The following GPR157 variants were observed in gnomAD, a reference collection of about 807,000 sequenced individuals.
The protein encoded by GPR157 is G protein-coupled receptor 157.
GPR157 carries 16 observed loss-of-function variants against 23.5 expected under a neutral mutation model. That is an observed-to-expected ratio of 0.68 (90% CI 0.46 to 1.04). The LOEUF (loss-of-function observed/expected upper bound fraction) is 1.04, where lower values mean the gene tolerates loss of function less well. GPR157 is among the 50% of genes least tolerant of loss of function. The pLI, the probability that GPR157 is intolerant of heterozygous loss-of-function variation, is 0.00. For synonymous variants in GPR157, 200 were observed against 221.5 expected (o/e 0.90, Z 0.86); for missense variants, 440 against 460.7 (o/e 0.96, Z 0.41).
rs925275059 is a variant in GPR157 at position 9,102,615 on chromosome 1, T to C, written c.*1804A>G. ...TTTTACTAGGCTCAGAAAATCATGC[T>C]TTGTCGAGTTCTGATGGATTCCAAG... On this transcript the variant is annotated 3_prime_UTR_variant, in exon 4 of 4. Transcript: ENST00000377411. 1 of 152,108 alleles carries C rather than the reference T, an allele frequency of 6.6e-6. No homozygotes were observed. The highest frequency in any genetic ancestry group is 1.5e-5 in the Non-Finnish European group (1 of 68,014). The allele number at this position is 152,108 out of a possible 1,614,324, so 9.4% of individuals were successfully genotyped here. A position where few individuals can be genotyped will look rare whatever the true frequency, so the allele number is the denominator to read the frequency against.
chr1:9,102,614 C>T lies in GPR157; in HGVS notation c.*1805G>A, dbSNP rs751410440. 6.6e-6 allele frequency: 1 copy of T among 152,054 alleles called. No individual in the cohort carries two copies. The highest frequency in any genetic ancestry group is 1.5e-5 in the Non-Finnish European group (1 of 68,008). 9.4% of individuals were successfully genotyped at this position (152,054 alleles called of 1,614,324 possible). ...ATTTTACTAGGCTCAGAAAATCATGCTTTGTCGAGTTCTGATGGATTCCAA... is the reference window on the plus strand; with the variant it reads ...ATTTTACTAGGCTCAGAAAATCATGTTTTGTCGAGTTCTGATGGATTCCAA... On this transcript the variant is annotated 3_prime_UTR_variant, in exon 4 of 4. Coordinates refer to ENST00000377411, the MANE Select transcript of GPR157 (RefSeq NM_024980.5).
intron 1 of GPR157, among the ~76,000 whole-genome samples, chr1:9,127,713 G>T (rs1199567458): frequency 6.6e-6 from 1 of 152,210 alleles, no homozygotes; most frequent in African/African-American, 2.4e-5. Context: ...CTGCCAAAGT[G>T]CTGACTGTGC....
rs567970735 is a variant in GPR157 at position 9,105,001 on chromosome 1, G to A, written c.793-367C>T. Among the ~76,000 whole-genome samples, 17 of 82,404 alleles carry A rather than the reference G, an allele frequency of 2.1e-4. 1 individual carries two copies. In the South Asian group the frequency reaches 2.4e-3, roughly 12 times the overall value. 54.1% of individuals were successfully genotyped at this position (82,404 alleles called of 152,430 possible). ...GGTGACAAAGCCAGACTCTGTCCCC[G>A]CACCCCCCCCCAAAAAAGAGAAATG... On this transcript the variant is annotated intron_variant, in intron 3 of 3. Coordinates refer to ENST00000377411, the MANE Select transcript of GPR157 (RefSeq NM_024980.5). This position sits in a 1 kb window ranked among gnomAD's most constrained non-coding sequence, Gnocchi z 4.8.
chr1:9,123,674 A>ATTAAATATATATTTAATATATATTTAATT (rs1557701281), intron 1 of GPR157, among the ~76,000 whole-genome samples: 5 of 114,982 alleles, frequency 4.3e-5, no homozygotes, highest in African/African-American at 1.1e-4. Context: ...TATATTTAAT[A>ATTAAATATATATTTAATATATATTTAATT]TTAAATATAT....
At chr1:9,107,605 T>C (rs1638372020) in intron 2 of GPR157, among the ~76,000 whole-genome samples, 1 of 151,748 alleles carries the variant, frequency 6.6e-6, no homozygotes, top group South Asian at 2.1e-4. Context: ...GCCAACATGG[T>C]GAAACCCCGA....
intron 1 of GPR157, among the ~76,000 whole-genome samples, chr1:9,117,383 G>C (rs1638704669): frequency 6.6e-6 from 1 of 152,212 alleles, no homozygotes; most frequent in African/African-American, 2.4e-5. Context: ...GGGCCACCCT[G>C]AGCTGCAGGT....
rs1442411079 is a variant in GPR157 at position 9,118,223 on chromosome 1, G to A, written c.384-6734C>T. On this transcript the variant is annotated intron_variant, in intron 1 of 3. Coordinates refer to ENST00000377411, the MANE Select transcript of GPR157 (RefSeq NM_024980.5). The surrounding 1 kb of genome is among the most constrained non-coding windows in gnomAD (Gnocchi z 4.6). ...GGTTAGATGCCGGAGGAATGGGCGG[G>A]GTCCTGCCCAGTCCTAAATCTGGGG... Among the ~76,000 whole-genome samples the A allele has an allele frequency of 1.3e-5, 2 of 152,180 alleles. No individual in the cohort carries two copies. Among genetic ancestry groups the A allele is most frequent in the Admixed American group, 6.6e-5 (1 of 15,260 alleles).
rs1639004210 is a variant in GPR157 at position 9,128,156 on chromosome 1, A to G, written c.383+489T>C. On this transcript the variant is annotated intron_variant, in intron 1 of 3. Transcript: ENST00000377411. This position sits in a 1 kb window ranked among gnomAD's most constrained non-coding sequence, Gnocchi z 6.3. ...AAGCACAGTCCTTTGTAAACTGTAC[A>G]GCAGAGACACGGCAGCTCGGGAGTG... 2.4e-6 allele frequency: 1 copy of G among 417,830 alleles called. No individual in the cohort carries two copies. Among genetic ancestry groups the G allele is most frequent in the African/African-American group, 2.0e-5 (1 of 49,490 alleles). 25.9% of individuals were successfully genotyped at this position (417,830 alleles called of 1,614,324 possible). A position where few individuals can be genotyped will look rare whatever the true frequency, so the allele number is the denominator to read the frequency against.
intron 1 of GPR157, among the ~76,000 whole-genome samples, chr1:9,114,105 G>T (rs908828906): frequency 2.0e-5 from 3 of 151,794 alleles, no homozygotes; most frequent in South Asian, 2.1e-4. Flanking sequence ...AAGACAGGTG[G>T]ACCACCTGAG....
At chr1:9,122,890 C>A (rs1638829044) in intron 1 of GPR157, among the ~76,000 whole-genome samples, 1 of 152,020 alleles carries the variant, frequency 6.6e-6, no homozygotes, top group South Asian at 2.1e-4. Context: ...GCTGCGGTGG[C>A]TCACACCTGT....
chr1:9,128,729 A>G lies in GPR157; in HGVS notation c.299T>C (p.Ile100Thr), dbSNP rs1415448838. The G allele has an allele frequency of 1.2e-6, 2 of 1,613,322 alleles. No homozygotes were observed. Among genetic ancestry groups the G allele is most frequent in the Non-Finnish European group, 1.7e-6 (2 of 1,179,924 alleles). The change falls in exon 1 of 4, where the codon ATT becomes ACT. Residue 100 changes from isoleucine (I) to threonine (T), a missense_variant. Transcript: ENST00000377411. The surrounding 1 kb of genome is among the most constrained non-coding windows in gnomAD (Gnocchi z 6.3). ...NTSSFFWTVA[I>T]ALYLYLSIVR... is the part of the protein sequence containing the mutation. ...GATGCTGAGGTACAAGTAGAGCGCA[A>G]TGGCCACGGTCCAGAAGAAGGAGCT...
chr1:9,121,341 A>G (rs1638794914), intron 1 of GPR157, among the ~76,000 whole-genome samples: 1 of 150,370 alleles, frequency 6.7e-6, no homozygotes, highest in Admixed American at 6.7e-5. Flanking sequence ...CAAAAAAACA[A>G]AACAAAACAA....
chr1:9,109,739 AG>A (rs1638434234), intron 2 of GPR157, among the ~76,000 whole-genome samples: 3 of 152,208 alleles, frequency 2.0e-5, no homozygotes, highest in Admixed American at 1.3e-4. Context: ...AGCCATCTCC[AG>A]CAAGGACTCC....
chr1:9,105,068 C>CACACACACACACAT lies in GPR157; in HGVS notation c.792+417_792+418insATGTGTGTGTGTGT, dbSNP rs535847433. ...ACACACACACACACACACACACACA[C>CACACACACACACAT]ATGCATACACACATGCATACATGCA... On this transcript the variant is annotated intron_variant, in intron 3 of 3. Transcript: ENST00000377411. The surrounding 1 kb of genome is among the most constrained non-coding windows in gnomAD (Gnocchi z 4.8). 6.9e-6 allele frequency among the ~76,000 whole-genome samples: 1 copy of CACACACACACACAT among 144,476 alleles called. No individual in the cohort carries two copies. Among genetic ancestry groups the CACACACACACACAT allele is most frequent in the African/African-American group, 2.6e-5 (1 of 37,820 alleles). The allele number at this position is 144,476 out of a possible 152,430, so 94.8% of individuals were successfully genotyped here.
Position 9,128,689 on chromosome 1 carries a change from G to A in GPR157, c.339C>T (p.Arg113=). Reference sequence around the variant, plus strand: ...AAAGCAGGCGATCTGTGCGAGGCCCGCGCGCGGCGCGGACGATGCTGAGGT... The same window carrying A: ...AAAGCAGGCGATCTGTGCGAGGCCCACGCGCGGCGCGGACGATGCTGAGGT... ...YLYLSIVRAA[R]GPRTDRLLWA... The change falls in exon 1 of 4, where the codon CGC becomes CGT. Residue 113 remains arginine, a synonymous_variant. Transcript: ENST00000377411. The surrounding 1 kb of genome is among the most constrained non-coding windows in gnomAD (Gnocchi z 6.3). 6.2e-7 allele frequency: 1 copy of A among 1,613,238 alleles called. No individual in the cohort carries two copies. The highest frequency in any genetic ancestry group is 8.5e-7 in the Non-Finnish European group (1 of 1,179,922).
rs748675720 is a variant in GPR157, at chr1:9,128,894, C to T, written c.134G>A (p.Arg45Gln). The part of the protein sequence containing the change: ...THALWPDLRS[R>Q]ARRLLLFLSL... The stretch of plus-strand genomic sequence containing the variant: ...CAGGAAGAGCAGCAGGCGCCGTGCC[C>T]GGCTGCGCAGGTCGGGCCACAGGGC... Residue 45 changes from arginine (R) to glutamine (Q), a missense_variant, in exon 1 of 4, where the codon CGG becomes CAG. Arg to Gln is a conservative substitution (Grantham distance 43). Coordinates refer to ENST00000377411, the MANE Select transcript of GPR157 (RefSeq NM_024980.5). This position sits in a 1 kb window ranked among gnomAD's most constrained non-coding sequence, Gnocchi z 6.3. 5 of 1,554,588 alleles carry T rather than the reference C, an allele frequency of 3.2e-6. No homozygotes were observed. The Admixed American group carries it at 7.8e-5, about 24-fold the overall frequency.
At chr1:9,121,994 C>G (rs1451074479) in intron 1 of GPR157, among the ~76,000 whole-genome samples, 2 of 152,180 alleles carry the variant, frequency 1.3e-5, no homozygotes, top group South Asian at 4.1e-4. Context: ...TGCTCACAGG[C>G]CATACAGCTG....
Position 9,128,670 on chromosome 1 carries a change from G to A in GPR157, c.358C>T (p.Leu120=). The part of the protein sequence containing the change: ...RAARGPRTDR[L]LWAFHVVSWG... ...CTGACGACATGGAAGGCCCAAAGCA[G>A]GCGATCTGTGCGAGGCCCGCGCGCG... Residue 120 remains leucine (L), a synonymous_variant, in exon 1 of 4, where the codon CTG becomes TTG. Transcript: ENST00000377411. The surrounding 1 kb of genome is among the most constrained non-coding windows in gnomAD (Gnocchi z 6.3). 6.2e-7 allele frequency: 1 copy of A among 1,613,122 alleles called. No individual in the cohort carries two copies.
intron 1 of GPR157, among the ~76,000 whole-genome samples, chr1:9,124,862 T>C (rs943508656): frequency 1.3e-5 from 2 of 152,224 alleles, no homozygotes; most frequent in Non-Finnish European, 2.9e-5. Flanking sequence ...TGCATACAGA[T>C]GTTATGTTAA....
Sources: gnomAD v4.1 joint callset for allele counts (sites outside exome capture counted in the v4.1 genomes callset) on GRCh38, gnomAD v4.1.1 for gene constraint, Gnocchi (gnomAD v3.1) non-coding constraint, MANE v1.5 for transcripts, NCBI Gene and HGNC (gene_info 2026-07-23, HGNC 2026-07-21) for gene names.